The following ASCC3 variants were observed in gnomAD, a reference collection of about 807,000 sequenced individuals.
The protein encoded by ASCC3 is activating signal cointegrator 1 complex subunit 3, also known as ASC-1 complex subunit P200.
ASCC3 carries 158 observed loss-of-function variants against 256.3 expected under a neutral mutation model. The ratio of observed to expected loss-of-function variants is 0.62; its 90% CI spans 0.54 to 0.70. The LOEUF (loss-of-function observed/expected upper bound fraction) is 0.70. Among genes scored for constraint, ASCC3 ranks in the 30% least tolerant of loss-of-function variants. The probability of loss-of-function intolerance (pLI) is 0.00; values close to 1 mark genes in which losing one functional copy is unlikely to be tolerated. For missense variants in ASCC3, 2,259 were observed against 2,626.0 expected (o/e 0.86, Z 3.05); for synonymous variants, 948 against 883.4 (o/e 1.07, Z -1.30).
chr6:100,595,613 C>G (rs1197451322), intron 34 of ASCC3, among the ~76,000 whole-genome samples: 2 of 152,112 alleles, frequency 1.3e-5, no homozygotes, highest in Middle Eastern at 3.2e-3. Context: ...TTCAGCATAG[C>G]ACTGAAAAGA....
intron 37 of ASCC3, among the ~76,000 whole-genome samples, chr6:100,536,669 G>A (rs536277741): frequency 4.6e-5 from 7 of 152,026 alleles, no homozygotes; most frequent in Admixed American, 1.3e-4. Context: ...GTCTCACTAT[G>A]CTGCCTAGGC....
At chr6:100,609,140 T>C (rs1773261724) in intron 30 of ASCC3, among the ~76,000 whole-genome samples, 9 of 152,026 alleles carry the variant, frequency 5.9e-5, no homozygotes, top group Admixed American at 5.9e-4. Context: ...CCTAAAATTG[T>C]AAATCGGTCC....
At chr6:100,576,034 T>C (rs574701527) in intron 36 of ASCC3, among the ~76,000 whole-genome samples, 43 of 152,182 alleles carry the variant, frequency 2.8e-4, no homozygotes, top group African/African-American at 6.3e-4. Context: ...TTTTTACTTA[T>C]ATCTAATTAG....
intron 1 of ASCC3, among the ~76,000 whole-genome samples, chr6:100,876,596 G>A (rs1456517532): frequency 6.6e-6 from 1 of 152,156 alleles, no homozygotes; most frequent in Non-Finnish European, 1.5e-5. Flanking sequence ...AACATTCATA[G>A]TTAAAATTTC....
chr6:100,872,106 C>T (rs971683765), intron 1 of ASCC3, among the ~76,000 whole-genome samples: 7 of 152,152 alleles, frequency 4.6e-5, no homozygotes, highest in Non-Finnish European at 7.4e-5. Flanking sequence ...CTAGAACCTA[C>T]CTTTTACCAC....
chr6:100,859,077 T>C (rs1162300655), intron 3 of ASCC3: 2 of 777,760 alleles, frequency 2.6e-6, no homozygotes. Flanking sequence ...AGATTTTCTA[T>C]TTCTTCTTTT....
At chr6:100,608,145 TC>T (rs1773066859) in intron 30 of ASCC3, among the ~76,000 whole-genome samples, 1 of 110,428 alleles carries the variant, frequency 9.1e-6, no homozygotes, top group African/African-American at 3.8e-5. Flanking sequence ...TGTATATATA[TC>T]TATATATACA....
chr6:100,759,282 CT>C lies in ASCC3; in HGVS notation c.1737+7282del, dbSNP rs1232623481. ...TCAATTTTGGCTTTTGTTGCAATTG[CT>C]TTTGGCATTTTCATCATGAAGTCTT... On this transcript the variant is annotated intron_variant, in intron 10 of 41. Transcript: ENST00000369162. Among the ~76,000 whole-genome samples the C allele has an allele frequency of 2.0e-5, 3 of 152,116 alleles. No homozygotes were observed. In the East Asian group the frequency reaches 5.8e-4, roughly 29 times the overall value.
intron 14 of ASCC3, among the ~76,000 whole-genome samples, chr6:100,676,701 ATAGAAATAGCCTTATT>A (rs1777026536): frequency 6.6e-6 from 1 of 152,234 alleles, no homozygotes; most frequent in Non-Finnish European, 1.5e-5. Flanking sequence ...CAGCTAAGGC[ATAGAAATAGCCTTATT>A]ACAAGCAAAT....
At chr6:100,857,896 A>AC (rs1773033989) in intron 3 of ASCC3, 1 of 151,510 alleles carries the variant, frequency 6.6e-6, no homozygotes, top group Admixed American at 6.6e-5. Flanking sequence ...ACACACACAC[A>AC]CACACACCCT....
At chr6:100,770,340 A>C (rs12205870) in intron 8 of ASCC3, among the ~76,000 whole-genome samples, 2 of 151,816 alleles carry the variant, frequency 1.3e-5, no homozygotes, top group East Asian at 1.9e-4. Context: ...GGCATCTACA[A>C]AAGCGTTACA....
chr6:100,727,372 A>G (rs1312804494), intron 10 of ASCC3, among the ~76,000 whole-genome samples: 2 of 152,014 alleles, frequency 1.3e-5, no homozygotes, highest in African/African-American at 2.4e-5. Context: ...GAATTTTTTG[A>G]ATTTTGAACT....
chr6:100,670,780 T>G (rs1776707119), intron 14 of ASCC3, among the ~76,000 whole-genome samples: 1 of 151,912 alleles, frequency 6.6e-6, no homozygotes, highest in Admixed American at 6.6e-5. Flanking sequence ...TCATCAAAAT[T>G]TTAAATGCAT....
chr6:100,661,693 G>A (rs982554483), intron 16 of ASCC3, 113 bp downstream of exon 16: 61 of 1,017,120 alleles, frequency 6.0e-5, no homozygotes, highest in Non-Finnish European at 8.1e-5. Flanking sequence ...AACTTATATG[G>A]CATAGGCTGT....
chr6:100,609,993 C>T (rs1277044339), intron 30 of ASCC3, among the ~76,000 whole-genome samples: 1 of 152,100 alleles, frequency 6.6e-6, no homozygotes, highest in African/African-American at 2.4e-5. Context: ...ACATAAGGCA[C>T]AGCATAAGGA....
At chr6:100,618,768 C>G (rs938838416) in intron 30 of ASCC3, among the ~76,000 whole-genome samples, 1 of 152,200 alleles carries the variant, frequency 6.6e-6, no homozygotes, top group Non-Finnish European at 1.5e-5. Context: ...GTATTCATCT[C>G]TGTAAGAACA....
At chr6:100,619,044 G>A (rs1397577890) in intron 30 of ASCC3, among the ~76,000 whole-genome samples, 5 of 152,192 alleles carry the variant, frequency 3.3e-5, no homozygotes, top group Admixed American at 3.3e-4. Context: ...CAATACCTGG[G>A]AAAGGTTGGG....
At chr6:100,532,084 G>A (rs866817962) in intron 37 of ASCC3, among the ~76,000 whole-genome samples, 1 of 151,038 alleles carries the variant, frequency 6.6e-6, no homozygotes, top group Non-Finnish European at 1.5e-5. Context: ...TGGTTGTGAT[G>A]AGCCACGAAA....
intron 37 of ASCC3, among the ~76,000 whole-genome samples, chr6:100,527,830 TTTG>T (rs1343736900): frequency 6.6e-6 from 1 of 151,854 alleles, no homozygotes; most frequent in Admixed American, 6.6e-5. Flanking sequence ...ACACATCTTC[TTTG>T]TTTTTTTTTT....
Sources: allele counts gnomAD v4.1 joint callset (sites outside exome capture counted in the v4.1 genomes callset), GRCh38; gene constraint gnomAD v4.1.1; transcripts MANE v1.5; gene names NCBI Gene and HGNC (gene_info 2026-07-23, HGNC 2026-07-21).